Variants in DENND4A observed in about 807,000 individuals in gnomAD.
DENND4A encodes DENN domain containing 4A.
DENND4A carries 70 observed loss-of-function variants against 199.3 expected under a neutral mutation model. The ratio of observed to expected loss-of-function variants is 0.35; its 90% CI spans 0.29 to 0.43. The LOEUF is 0.43. Ranked by LOEUF, DENND4A falls within the 20% of genes least tolerant of loss-of-function variation. DENND4A has a pLI of 1.00. For synonymous variants in DENND4A, 686 were observed against 766.9 expected, an observed-to-expected ratio of 0.89 and a Z score of 1.74; for missense variants, 1,723 against 2,255.8, an observed-to-expected ratio of 0.76 and a Z score of 4.78.
At chr15:65,684,199 T>C (rs1230049687) in intron 23 of DENND4A, among the ~76,000 whole-genome samples, 1 of 152,206 alleles carries the variant, frequency 6.6e-6, no homozygotes, top group Non-Finnish European at 1.5e-5. Context: ...AATCTTTGTG[T>C]AGTCTATGTT....
At chr15:65,678,239 T>C (rs938598968) in intron 23 of DENND4A, among the ~76,000 whole-genome samples, 3 of 152,222 alleles carry the variant, frequency 2.0e-5, no homozygotes, top group African/African-American at 7.2e-5. Flanking sequence ...CATACTTTTC[T>C]TTTTCAAAAT....
At chr15:65,786,168 A>T (rs75139494) in intron 1 of DENND4A, among the ~76,000 whole-genome samples, 3,947 of 152,316 alleles carry the variant, frequency 0.026, 182 homozygotes, top group African/African-American at 0.091. Context: ...ATAGATAAAA[A>T]ATGAAAACAA....
chr15:65,757,268 G>T (rs144595944), intron 2 of DENND4A, among the ~76,000 whole-genome samples: 2 of 148,532 alleles, frequency 1.3e-5, no homozygotes, highest in African/African-American at 4.9e-5. Flanking sequence ...GAGATGGGGG[G>T]GGGGGGGTCT....
intron 3 of DENND4A, among the ~76,000 whole-genome samples, 159 bp from the exon 4 acceptor site, chr15:65,752,787 TA>T (rs2076603031): frequency 6.6e-6 from 1 of 152,190 alleles, no homozygotes; most frequent in Non-Finnish European, 1.5e-5. Flanking sequence ...AATTAAAGAA[TA>T]ACTCTTTTCC....
chr15:65,768,846 T>C (rs759461483), intron 1 of DENND4A, among the ~76,000 whole-genome samples: 1 of 151,458 alleles, frequency 6.6e-6, no homozygotes, highest in Non-Finnish European at 1.5e-5. Context: ...AAGAAAAAAA[T>C]AGCCGGACGT....
chr15:65,764,740 G>A (rs890242694), intron 1 of DENND4A, among the ~76,000 whole-genome samples: 8 of 152,008 alleles, frequency 5.3e-5, no homozygotes, highest in Admixed American at 1.3e-4. Flanking sequence ...CTGGGAGACC[G>A]AGGCAGAAGG....
intron 23 of DENND4A, among the ~76,000 whole-genome samples, chr15:65,684,535 AG>A (rs2076688941): frequency 6.6e-6 from 1 of 152,172 alleles, no homozygotes; most frequent in Non-Finnish European, 1.5e-5. Flanking sequence ...ATATCTATTT[AG>A]ATCTATTTTT....
intron 21 of DENND4A, 61 bp downstream of exon 21, chr15:65,697,206 C>T: frequency 1.9e-6 from 2 of 1,047,908 alleles, no homozygotes; most frequent in South Asian, 1.5e-5. Flanking sequence ...ATAAAATCAC[C>T]TGCATTTTCT....
chr15:65,741,619 G>T, intron 5 of DENND4A, 96 bp downstream of exon 5: 1 of 915,736 alleles, frequency 1.1e-6, no homozygotes, highest in Non-Finnish European at 1.7e-6. Flanking sequence ...TCCCAGTCCT[G>T]ATACTAACAC....
Position 65,737,845 on chromosome 15 carries a change from G to T in DENND4A, c.902C>A (p.Ser301Tyr). 1.9e-6 allele frequency: 3 copies of T among 1,604,410 alleles called. No individual in the cohort carries two copies. Among genetic ancestry groups the T allele is most frequent in the Non-Finnish European group, 2.6e-6 (3 of 1,175,026 alleles). The change falls in exon 7 of 33, where the codon TCT becomes TAT. Residue 301 changes from serine to tyrosine, a missense_variant. Transcript: ENST00000443035. ...AGTATGAATTGTTTTGGAACTATCA[G>T]ACTTCCCATCTGCTGATGTTAAACC... ...LLGLTSADGK[S>Y]DSSKTIHTNK...
intron 32 of DENND4A, among the ~76,000 whole-genome samples, chr15:65,663,206 TTTTTTA>T (rs2075923102): frequency 6.9e-6 from 1 of 144,848 alleles, no homozygotes; most frequent in African/African-American, 2.6e-5. Flanking sequence ...ATATTTTTTT[TTTTTTA>T]TTTTTTTTTT....
chr15:65,670,595 AGAG>A (rs2076186495), intron 25 of DENND4A, among the ~76,000 whole-genome samples: 1 of 152,234 alleles, frequency 6.6e-6, no homozygotes, highest in Non-Finnish European at 1.5e-5. Flanking sequence ...TAAGAAATTG[AGAG>A]GAGGATTTAT....
chr15:65,775,532 T>C (rs768879473), intron 1 of DENND4A, among the ~76,000 whole-genome samples: 5 of 146,416 alleles, frequency 3.4e-5, no homozygotes, highest in Non-Finnish European at 7.4e-5. Context: ...TCCCAGCTAC[T>C]TGGGAGGCTA....
chr15:65,745,312 AATAAT>A (rs1269257393), intron 4 of DENND4A, among the ~76,000 whole-genome samples: 1 of 152,202 alleles, frequency 6.6e-6, no homozygotes, highest in African/African-American at 2.4e-5. Context: ...ATACACATAA[AATAAT>A]ATGTCTGGCT....
intron 1 of DENND4A, among the ~76,000 whole-genome samples, chr15:65,789,254 A>G (rs373667319): frequency 4.5e-4 from 69 of 152,248 alleles, no homozygotes; most frequent in African/African-American, 1.5e-3. Flanking sequence ...TGGCACAATC[A>G]TAACTCACTG....
At chr15:65,741,849 C>A in intron 4 of DENND4A, 65 bp from the exon 5 acceptor site, 1 of 1,294,586 alleles carries the variant, frequency 7.7e-7, no homozygotes, top group East Asian at 2.3e-5. Flanking sequence ...AAAATGGAAT[C>A]TCTTTGAGCT....
chr15:65,668,043 C>T lies in DENND4A; in HGVS notation c.4868G>A (p.Cys1623Tyr), dbSNP rs986750318. Residue 1623 changes from cysteine to tyrosine, a missense_variant, in exon 28 of 33, where the codon TGT (cysteine) becomes TAT (tyrosine). By Grantham distance (194) the Cys-to-Tyr change is radical (BLOSUM62 -2). Transcript: ENST00000443035. ...ANRSKTAMSK[C>Y]PIFPMARSIS... ...ACTCCTGGCCATTGGAAATATTGGA[C>T]ATTTAGACATAGCTGTTTTTGATCT... The T allele has an allele frequency of 2.5e-6, 4 of 1,611,990 alleles. No homozygotes were observed. The highest frequency in any genetic ancestry group is 3.4e-6 in the Non-Finnish European group (4 of 1,179,458).
intron 32 of DENND4A, among the ~76,000 whole-genome samples, chr15:65,663,194 A>T (rs1376402950): frequency 0.023 from 2,821 of 121,230 alleles, 99 homozygotes; most frequent in African/African-American, 0.089. Flanking sequence ...ATATATATAT[A>T]TATATTTTTT....
At chr15:65,767,651 C>G (rs1205946822) in intron 1 of DENND4A, among the ~76,000 whole-genome samples, 1 of 151,924 alleles carries the variant, frequency 6.6e-6, no homozygotes, top group Non-Finnish European at 1.5e-5. Flanking sequence ...TTATCGAGTA[C>G]CATGGGATGG....
Sources: gnomAD v4.1 joint callset for allele counts (sites outside exome capture counted in the v4.1 genomes callset) on GRCh38, gnomAD v4.1.1 for gene constraint, MANE v1.5 for transcripts, NCBI Gene and HGNC (gene_info 2026-07-23, HGNC 2026-07-21) for gene names.